Variants in LRRK1 observed in about 807,000 individuals in gnomAD.
The protein encoded by LRRK1 is leucine-rich repeat serine/threonine-protein kinase 1.
LRRK1 carries 113 observed loss-of-function variants against 209.1 expected under a neutral mutation model. The ratio of observed to expected loss-of-function variants is 0.54; its 90% CI spans 0.46 to 0.63. LRRK1 has a LOEUF of 0.63. Among genes scored for constraint, LRRK1 ranks in the 30% least tolerant of loss-of-function variants. The probability of loss-of-function intolerance (pLI) is 0.00; values close to 1 mark genes in which losing one functional copy is unlikely to be tolerated. For missense variants in LRRK1, 2,284 were observed against 2,632.2 expected, an observed-to-expected ratio of 0.87 and a Z score of 2.89; for synonymous variants, 1,144 against 1,099.7, an observed-to-expected ratio of 1.04 and a Z score of -0.80.
intron 6 of LRRK1, among the ~76,000 whole-genome samples, chr15:100,991,549 T>G (rs2032156378): frequency 1.3e-5 from 2 of 152,058 alleles, no homozygotes; most frequent in African/African-American, 4.8e-5. Context: ...GAAAAGTTAT[T>G]TTGTTTATTT....
chr15:100,997,043 A>G (rs2032449985), intron 6 of LRRK1, among the ~76,000 whole-genome samples: 1 of 151,478 alleles, frequency 6.6e-6, no homozygotes, highest in Non-Finnish European at 1.5e-5. Flanking sequence ...AAAACTCATC[A>G]GAATATGCAT....
intron 2 of LRRK1, among the ~76,000 whole-genome samples, chr15:100,943,823 G>A (rs752804773): frequency 7.3e-5 from 11 of 151,676 alleles, no homozygotes; most frequent in Middle Eastern, 3.4e-3. Flanking sequence ...GATTACAGGC[G>A]CCCACCAGTA....
rs760096286 is a variant in LRRK1, at chr15:101,051,859, G to A, written c.3588G>A (p.Thr1196=). The A allele has an allele frequency of 3.0e-5, 48 of 1,613,998 alleles. No homozygotes were observed. The highest frequency in any genetic ancestry group is 8.3e-5 in the Admixed American group (5 of 60,016). ...QYFDMEDCVL[T]AIERDFISCP... ...TCGACATGGAAGACTGTGTCCTGAC[G>A]GCCATCGAGCGGGACTTCATCTCCT... is the stretch of plus-strand genomic sequence containing the variant. Residue 1196 remains threonine, a synonymous_variant, in exon 24 of 34, where the codon ACG becomes ACA. Transcript: ENST00000388948.
intron 10 of LRRK1, among the ~76,000 whole-genome samples, chr15:101,013,517 A>G (rs2033379380): frequency 2.0e-5 from 3 of 152,066 alleles, no homozygotes; most frequent in African/African-American, 7.2e-5. Context: ...GCGAGGCCAA[A>G]ATGGGGGGAC....
In LRRK1 at chr15:100,980,592, A is replaced by T. The variant is rs143334040; in HGVS notation, c.262-2936A>T. Among the ~76,000 whole-genome samples the T allele has an allele frequency of 6.8e-3, 1,041 of 152,340 alleles. 2 individuals carry two copies. Among genetic ancestry groups the T allele is most frequent in the Non-Finnish European group, 0.011 (777 of 68,016 alleles). ...TACTAACGTCAAGTATCTTGCTACA[A>T]TTATGTAACATATTGCCATCGGGGG... On this transcript the variant is annotated intron_variant, in intron 3 of 33. Coordinates refer to ENST00000388948, the MANE Select transcript of LRRK1 (RefSeq NM_024652.6).
chr15:100,951,097 C>T (rs983043463), intron 2 of LRRK1, among the ~76,000 whole-genome samples: 6 of 151,956 alleles, frequency 3.9e-5, no homozygotes, highest in African/African-American at 9.7e-5. Flanking sequence ...AGTGAGACTC[C>T]GTCTCAGAAA....
intron 4 of LRRK1, among the ~76,000 whole-genome samples, chr15:100,984,233 G>A (rs1013855023): frequency 2.6e-5 from 4 of 152,136 alleles, no homozygotes; most frequent in East Asian, 1.9e-4. Context: ...TCCACTGTGC[G>A]CCCTCCACAT....
Position 101,009,029 on chromosome 15 carries a change from G to A in LRRK1, c.955G>A (p.Gly319Ser), listed in dbSNP as rs1261488928. 6.2e-7 allele frequency: 1 copy of A among 1,614,098 alleles called. No individual in the cohort carries two copies. Among genetic ancestry groups the A allele is most frequent in the Non-Finnish European group, 8.5e-7 (1 of 1,180,030 alleles). ...LSDNHLGELP[G>S]VQSSDEIICS... ...CGACAACCACCTGGGGGAGCTGCCT[G>A]GCGTGCAGTCATCGGACGAAATCAT... is the stretch of plus-strand genomic sequence containing the variant. Residue 319 changes from glycine to serine, a missense_variant, in exon 7 of 34, where the codon GGC becomes AGC. Transcript: ENST00000388948.
chr15:100,996,380 G>A (rs1306660636), intron 6 of LRRK1, among the ~76,000 whole-genome samples: 1 of 152,252 alleles, frequency 6.6e-6, no homozygotes, highest in African/African-American at 2.4e-5. Flanking sequence ...CATGGACCCT[G>A]ACTCCTCTTG....
At chr15:100,977,188 A>AAG (rs1348471496) in intron 3 of LRRK1, among the ~76,000 whole-genome samples, 1 of 762 alleles carries the variant, frequency 1.3e-3, no homozygotes, top group African/African-American at 4.1e-3. Flanking sequence ...TGGCACAGAG[A>AAG]AAAAAAAAAA....
chr15:101,008,804 C>G lies in LRRK1; in HGVS notation c.763-33C>G, dbSNP rs779963848. 1.9e-5 allele frequency: 29 copies of G among 1,530,752 alleles called. No individual in the cohort carries two copies. The South Asian group carries it at 3.1e-4, about 17-fold the overall frequency. 94.8% of individuals were successfully genotyped at this position (1,530,752 alleles called of 1,614,324 possible). A position where few individuals can be genotyped will look rare whatever the true frequency, so the allele number is the denominator to read the frequency against. On this transcript the variant is annotated intron_variant, in intron 6 of 33. Transcript: ENST00000388948. ...CCCATGTGGGCCCTGAACTCACCCT[C>G]CACATGTGCTTTTCCTTTCTTTCCA...
At chr15:100,955,682 A>G (rs2141627493) in intron 2 of LRRK1, among the ~76,000 whole-genome samples, 1 of 146,862 alleles carries the variant, frequency 6.8e-6, no homozygotes, top group East Asian at 2.0e-4. Context: ...ACTTGTTGAG[A>G]ATTTTTATTT....
At chr15:100,981,993 G>T (rs955710143) in intron 3 of LRRK1, among the ~76,000 whole-genome samples, 2 of 152,250 alleles carry the variant, frequency 1.3e-5, no homozygotes, top group Non-Finnish European at 2.9e-5. Context: ...AATGGCCCCT[G>T]GCATCCTCAG....
intron 29 of LRRK1, among the ~76,000 whole-genome samples, chr15:101,060,745 AGAGCACTCGTGCTGG>A (rs2036118728): frequency 6.6e-6 from 1 of 152,236 alleles, no homozygotes; most frequent in Admixed American, 6.5e-5. Context: ...ATTAGTTCTC[AGAGCACTCGTGCTGG>A]GAGCACATTT....
chr15:101,061,329 GC>G (rs1474539325), intron 30 of LRRK1, 41 bp downstream of exon 30: 1 of 1,417,312 alleles, frequency 7.1e-7, no homozygotes, highest in Non-Finnish European at 1.0e-6. Flanking sequence ...GGTAAGCACT[GC>G]CCACTGGGTG....
At chr15:100,951,964 A>AAATAAT (rs568822120) in intron 2 of LRRK1, among the ~76,000 whole-genome samples, 29 of 146,552 alleles carry the variant, frequency 2.0e-4, no homozygotes, top group East Asian at 1.6e-3. Flanking sequence ...AGAAAAAAAA[A>AAATAAT]AATAATAATA....
At position 100,973,828 on chromosome 15, in the gene LRRK1, C is replaced by G; in HGVS notation, c.122C>G (p.Pro41Arg). The G allele has an allele frequency of 1.0e-5, 13 of 1,292,728 alleles. No individual in the cohort carries two copies. Among genetic ancestry groups the G allele is most frequent in the Non-Finnish European group, 1.3e-5 (13 of 1,016,884 alleles). 80.1% of individuals were successfully genotyped at this position (1,292,728 alleles called of 1,614,324 possible). Reference sequence around the variant, plus strand: ...GGTGCCGGGGACACGGGCGGCAAGCCGTCCACGCGGGGCGGTGACCCTGCA... The same window carrying G: ...GGTGCCGGGGACACGGGCGGCAAGCGGTCCACGCGGGGCGGTGACCCTGCA... ...LNGAGDTGGKPSTRGGDPAAR... is the reference protein window; with the variant it reads ...LNGAGDTGGKRSTRGGDPAAR... The change falls in exon 3 of 34, where the codon CCG (proline) becomes CGG (arginine). Residue 41 changes from proline to arginine, a missense_variant. Around this residue, in one of 6 missense-constraint regions of LRRK1, gnomAD observed 174 missense variants for 133.5 expected, o/e 1.30. Transcript: ENST00000388948.
intron 4 of LRRK1, 132 bp from the exon 5 acceptor site, chr15:100,988,502 T>G: frequency 1.2e-6 from 1 of 811,674 alleles, no homozygotes; most frequent in Non-Finnish European, 2.1e-6. Context: ...GGCTGTATAG[T>G]ATTCCATGGT....
In LRRK1 at chr15:101,076,919, GC is replaced by G. The variant is rs1479490106; in HGVS notation, c.*8073del. On this transcript the variant is annotated 3_prime_UTR_variant, in exon 34 of 34. Transcript: ENST00000388948. ...CTGTCAAACATAATTCCTCGGTTTG[GC>G]CTTCCCACCTCTATACTGTCTGATA... 2 of 152,140 alleles carry G rather than the reference GC, an allele frequency of 1.3e-5. No homozygotes were observed. The highest frequency in any genetic ancestry group is 2.9e-5 in the Non-Finnish European group (2 of 68,042). 9.4% of individuals were successfully genotyped at this position (152,140 alleles called of 1,614,324 possible).
Sources: gnomAD v4.1 joint callset for allele counts (sites outside exome capture counted in the v4.1 genomes callset) on GRCh38, gnomAD v4.1.1 for gene constraint, gnomAD v4.1.1 regional missense constraint, MANE v1.5 for transcripts, NCBI Gene and HGNC (gene_info 2026-07-23, HGNC 2026-07-21) for gene names.